Variants in KCNN2 observed in about 807,000 individuals in gnomAD.
KCNN2 encodes small conductance calcium-activated potassium channel protein 2.
A neutral mutation model predicts 55.5 loss-of-function variants in KCNN2; 24 were observed. That is an observed-to-expected ratio of 0.43 (90% CI 0.31 to 0.61). The LOEUF (loss-of-function observed/expected upper bound fraction) is 0.61. Ranked by LOEUF, KCNN2 falls within the 20% of genes least tolerant of loss-of-function variation. KCNN2 has a pLI of 0.08. For missense variants in KCNN2, 754 were observed against 853.6 expected (o/e 0.88, Z 1.45); for synonymous variants, 431 against 336.1 (o/e 1.28, Z -3.09).
chr5:114,099,668 G>A (rs867957805), intron 1 of KCNN2, among the ~76,000 whole-genome samples: 1 of 152,036 alleles, frequency 6.6e-6, no homozygotes, highest in Admixed American at 6.6e-5. Context: ...CATATTTAGA[G>A]TTCATTGGCA....
chr5:114,201,784 G>T (rs1580613830), intron 1 of KCNN2, among the ~76,000 whole-genome samples: 1 of 150,784 alleles, frequency 6.6e-6, no homozygotes, highest in African/African-American at 2.4e-5. Flanking sequence ...GCAGCCTGTT[G>T]CATGGCTGTG....
intron 4 of KCNN2, among the ~76,000 whole-genome samples, chr5:114,467,642 A>G (rs927164507): frequency 1.7e-4 from 26 of 152,160 alleles, no homozygotes; most frequent in African/African-American, 4.8e-4. Flanking sequence ...TTCCCCACCA[A>G]TGTCCTTTCT....
chr5:114,373,626 T>TA, intron 2 of KCNN2, among the ~76,000 whole-genome samples: 1 of 66,462 alleles, frequency 1.5e-5, no homozygotes, highest in Non-Finnish European at 3.3e-5. Context: ...TCTCATGGTG[T>TA]TGTTATGAAG....
intron 1 of KCNN2, among the ~76,000 whole-genome samples, chr5:114,075,232 A>C (rs959114119): frequency 6.6e-6 from 1 of 152,224 alleles, no homozygotes; most frequent in African/African-American, 2.4e-5. Context: ...TTAAGGTGTC[A>C]TTGAGTGACT....
intron 2 of KCNN2, among the ~76,000 whole-genome samples, chr5:114,289,067 A>G (rs897457847): frequency 6.6e-6 from 1 of 152,134 alleles, no homozygotes; most frequent in Non-Finnish European, 1.5e-5. Context: ...ACGTGGATAT[A>G]CAGTTTTACC....
At chr5:114,108,673 C>A (rs1751535878) in intron 1 of KCNN2, among the ~76,000 whole-genome samples, 1 of 152,016 alleles carries the variant, frequency 6.6e-6, no homozygotes, top group Non-Finnish European at 1.5e-5. Context: ...CTCTTAGAGT[C>A]ATGCATGCTG....
chr5:114,168,174 T>TACACAC (rs10654082), intron 1 of KCNN2, among the ~76,000 whole-genome samples: 15,947 of 148,538 alleles, frequency 0.11, 1,019 homozygotes, highest in South Asian at 0.21. Flanking sequence ...TGGATATATA[T>TACACAC]ACACACACAC....
chr5:114,228,931 T>C (rs182118401), intron 2 of KCNN2, among the ~76,000 whole-genome samples: 3 of 152,208 alleles, frequency 2.0e-5, no homozygotes, highest in Admixed American at 1.3e-4. Flanking sequence ...TCATGGCATA[T>C]TATCTAATGA....
chr5:114,457,003 A>C (rs548101487), intron 3 of KCNN2, among the ~76,000 whole-genome samples: 52 of 152,326 alleles, frequency 3.4e-4, no homozygotes, highest in African/African-American at 1.2e-3. Context: ...TTTAGAAAAT[A>C]CATAAACTTA....
At chr5:114,187,290 C>A (rs1753353119) in intron 1 of KCNN2, among the ~76,000 whole-genome samples, 1 of 151,848 alleles carries the variant, frequency 6.6e-6, no homozygotes, top group African/African-American at 2.4e-5. Context: ...AAATCTCCTA[C>A]ATGAGTAAAC....
chr5:114,177,024 G>C (rs1333674644), intron 1 of KCNN2, among the ~76,000 whole-genome samples: 5 of 151,604 alleles, frequency 3.3e-5, no homozygotes, highest in African/African-American at 1.2e-4. Context: ...TAGAGTAAAT[G>C]GTCTACAATC....
intron 3 of KCNN2, among the ~76,000 whole-genome samples, chr5:114,433,365 G>C (rs1331088985): frequency 6.6e-6 from 1 of 152,112 alleles, no homozygotes; most frequent in East Asian, 1.9e-4. Context: ...AATCTGGTGG[G>C]GACGTGGAGA....
chr5:114,337,267 G>T (rs1756938815), intron 2 of KCNN2, among the ~76,000 whole-genome samples: 1 of 152,152 alleles, frequency 6.6e-6, no homozygotes, highest in Non-Finnish European at 1.5e-5. Context: ...AATAGACATA[G>T]AAAATTTAGG....
chr5:114,059,627 T>C (rs2112508070), intron 1 of KCNN2, among the ~76,000 whole-genome samples: 2 of 152,324 alleles, frequency 1.3e-5, no homozygotes, highest in Middle Eastern at 6.8e-3. Flanking sequence ...CTGATGCTGC[T>C]GGTGTCTGAA....
intron 1 of KCNN2, 33 bp downstream of exon 1, chr5:114,363,294 A>G: frequency 6.5e-7 from 1 of 1,544,420 alleles, no homozygotes; most frequent in Non-Finnish European, 8.7e-7. Flanking sequence ...ACGCTACCGG[A>G]GTCGGGCACT....
intron 1 of KCNN2, among the ~76,000 whole-genome samples, chr5:114,177,425 C>T (rs1348847641): frequency 2.0e-5 from 3 of 152,034 alleles, no homozygotes; most frequent in African/African-American, 4.8e-5. Flanking sequence ...GAGTGGGCCA[C>T]GGCACCCAGC....
At chr5:114,306,896 G>A (rs1056392193) in intron 2 of KCNN2, among the ~76,000 whole-genome samples, 2 of 151,810 alleles carry the variant, frequency 1.3e-5, no homozygotes, top group African/African-American at 4.8e-5. Context: ...TAGAGACGAG[G>A]TGTTGCCATG....
chr5:114,348,021 T>C (rs1757142565), intron 2 of KCNN2, among the ~76,000 whole-genome samples: 1 of 152,194 alleles, frequency 6.6e-6, no homozygotes, highest in Admixed American at 6.5e-5. Context: ...CCTGCCCATG[T>C]ATGTCTTCTT....
At chr5:114,462,418 G>A (rs1198148224) in intron 3 of KCNN2, among the ~76,000 whole-genome samples, 1 of 152,196 alleles carries the variant, frequency 6.6e-6, no homozygotes, top group African/African-American at 2.4e-5. Context: ...GGGACTCTGT[G>A]ATCAGAGGTA....
Sources: allele counts gnomAD v4.1 joint callset (sites outside exome capture counted in the v4.1 genomes callset), GRCh38; gene constraint gnomAD v4.1.1; transcripts MANE v1.5; gene names NCBI Gene and HGNC (gene_info 2026-07-23, HGNC 2026-07-21).